Variants in MYH14 observed in about 807,000 individuals in gnomAD.
MYH14 encodes the protein myosin heavy chain 14.
MYH14 carries 123 observed loss-of-function variants against 255.5 expected under a neutral mutation model. That is an observed-to-expected ratio of 0.48 (90% CI 0.42 to 0.56). The LOEUF is 0.56. Ranked by LOEUF, MYH14 falls within the 20% of genes least tolerant of loss-of-function variation. MYH14 has a pLI of 0.00. For synonymous variants in MYH14, 1,095 were observed against 1,161.2 expected (o/e 0.94, Z 1.16); for missense variants, 2,423 against 2,802.3 (o/e 0.86, Z 3.06).
chr19:50,226,781 G>T, intron 7 of MYH14, 122 bp from the exon 8 acceptor site: 2 of 865,218 alleles, frequency 2.3e-6, no homozygotes, highest in Non-Finnish European at 1.9e-6. Flanking sequence ...GGTAGAGGGA[G>T]CAAGGAAGTG....
At chr19:50,302,863 T>C (rs1438397330) in intron 40 of MYH14, among the ~76,000 whole-genome samples, 1 of 151,580 alleles carries the variant, frequency 6.6e-6, no homozygotes, top group Non-Finnish European at 1.5e-5. Context: ...GATCACGCCA[T>C]TGCACTCCAG....
chr19:50,210,562 A>G lies in MYH14; in HGVS notation c.197A>G (p.Glu66Gly). ...VWVPSELHGF[E>G]AAALRDEGEE... ...GTGCCTTCGGAGCTTCACGGGTTCG[A>G]GGCGGCGGCGCTGCGGGACGAAGGC... Residue 66 changes from glutamate to glycine, a missense_variant, in exon 2 of 43, where the codon GAG becomes GGG. Glu to Gly is a moderately conservative substitution (Grantham distance 98). This residue lies in a region of MYH14 where 238 missense variants were observed against 245.8 expected (regional missense o/e 0.97). Transcript: ENST00000642316. The G allele has an allele frequency of 6.3e-7, 1 of 1,581,804 alleles. No individual in the cohort carries two copies. Among genetic ancestry groups the G allele is most frequent in the South Asian group, 1.1e-5 (1 of 87,038 alleles).
At chr19:50,241,352 T>C (rs2087496190) in intron 10 of MYH14, among the ~76,000 whole-genome samples, 1 of 152,044 alleles carries the variant, frequency 6.6e-6, no homozygotes, top group South Asian at 2.1e-4. Flanking sequence ...GGAGAATCAC[T>C]TGAACCCAGG....
At chr19:50,234,160 A>C (rs1016007077) in intron 10 of MYH14, among the ~76,000 whole-genome samples, 4 of 151,962 alleles carry the variant, frequency 2.6e-5, no homozygotes, top group Admixed American at 6.6e-5. Flanking sequence ...AACTCGTTAC[A>C]TCCGTAATGA....
At chr19:50,259,885 AT>A (rs2034758876) in intron 19 of MYH14, among the ~76,000 whole-genome samples, 1 of 152,096 alleles carries the variant, frequency 6.6e-6, no homozygotes, top group Admixed American at 6.6e-5. Context: ...TCTCAAAAAA[AT>A]AAATAAGTAA....
intron 33 of MYH14, among the ~76,000 whole-genome samples, chr19:50,282,473 G>A (rs772578964): frequency 2.6e-5 from 4 of 152,178 alleles, no homozygotes; most frequent in Non-Finnish European, 4.4e-5. Context: ...AGGCCAAGGC[G>A]GGCGGATTGC....
At position 50,281,854 on chromosome 19, in the gene MYH14, C is replaced by T; in HGVS notation, c.4539+12C>T. ...GCAAGTTTGACCAGGTGGGGCACCT[C>T]AGTTCACCCAGCCGGGGAATCAGCA... On this transcript the variant is annotated intron_variant, in intron 33 of 42. Coordinates refer to ENST00000642316, the MANE Select transcript of MYH14 (RefSeq NM_001145809.2). 6.2e-7 allele frequency: 1 copy of T among 1,605,054 alleles called. No homozygotes were observed.
chr19:50,284,393 G>C (rs991846731), intron 33 of MYH14, among the ~76,000 whole-genome samples: 1 of 152,024 alleles, frequency 6.6e-6, no homozygotes, highest in Non-Finnish European at 1.5e-5. Flanking sequence ...TTGAGACGGA[G>C]TCTTGCACTG....
Position 50,309,654 on chromosome 19 carries a change from C to T in MYH14, c.5975C>T (p.Thr1992Ile), listed in dbSNP as rs1555779737. The change falls in exon 43 of 43, where the codon ACC becomes ATC. Residue 1992 changes from threonine (T) to isoleucine (I), a missense_variant. Around this residue, in one of 3 missense-constraint regions of MYH14, gnomAD observed 1,513 missense variants for 1,674.8 expected, o/e 0.90. Coordinates refer to ENST00000642316, the MANE Select transcript of MYH14 (RefSeq NM_001145809.2). ...CCTCCCCACAGACGCGGCCCCCTCA[C>T]CTTCACCACCCGCACGGTGCGCCAG... ...LRNRLRRGPL[T>I]FTTRTVRQVF... The T allele has an allele frequency of 6.2e-7, 1 of 1,610,912 alleles. No individual in the cohort carries two copies. Among genetic ancestry groups the T allele is most frequent in the South Asian group, 1.1e-5 (1 of 90,274 alleles).
intron 10 of MYH14, among the ~76,000 whole-genome samples, chr19:50,236,194 G>T (rs1223627159): frequency 6.6e-6 from 1 of 151,994 alleles, no homozygotes; most frequent in Non-Finnish European, 1.5e-5. Context: ...TTACCTGGGC[G>T]TGGTGGTGTG....
intron 1 of MYH14, among the ~76,000 whole-genome samples, chr19:50,207,982 T>C (rs985937552): frequency 1.6e-4 from 25 of 152,210 alleles, no homozygotes; most frequent in African/African-American, 5.8e-4. Flanking sequence ...TCCTCGCTCC[T>C]GTCATCTCCC....
chr19:50,255,451 C>T, intron 17 of MYH14, 133 bp downstream of exon 17: 1 of 692,276 alleles, frequency 1.4e-6, no homozygotes, highest in Non-Finnish European at 2.5e-6. Flanking sequence ...CCTTTCCCTC[C>T]TTGTTGGCTC....
chr19:50,214,354 G>T (rs1007716385), intron 2 of MYH14, among the ~76,000 whole-genome samples: 1 of 152,152 alleles, frequency 6.6e-6, no homozygotes, highest in African/African-American at 2.4e-5. Flanking sequence ...TGATGATGGG[G>T]ATGGTGGTGT....
chr19:50,247,247 G>A (rs2034167291), intron 12 of MYH14, 125 bp downstream of exon 12: 2 of 665,228 alleles, frequency 3.0e-6, no homozygotes, highest in South Asian at 1.8e-5. Context: ...CTCCGTTACC[G>A]ATCCTGGTCT....
rs759479678 is a variant in MYH14, at chr19:50,309,610, T to C, written c.5961-30T>C. 3.6e-6 allele frequency: 4 copies of C among 1,106,244 alleles called. No homozygotes were observed. The South Asian group carries it at 5.1e-5, about 14-fold the overall frequency. The allele number at this position is 1,106,244 out of a possible 1,614,324, so 68.5% of individuals were successfully genotyped here. ...CCTCCCCTCCCCTCCCCTCATTTCATCTCTGTATCCTGGTCTCTCCTCCCC... is the reference window on the plus strand; with the variant it reads ...CCTCCCCTCCCCTCCCCTCATTTCACCTCTGTATCCTGGTCTCTCCTCCCC... On this transcript the variant is annotated intron_variant, in intron 42 of 42. Coordinates refer to ENST00000642316, the MANE Select transcript of MYH14 (RefSeq NM_001145809.2).
intron 2 of MYH14, among the ~76,000 whole-genome samples, chr19:50,213,465 C>T (rs1054411541): frequency 1.3e-5 from 2 of 152,114 alleles, no homozygotes; most frequent in African/African-American, 4.8e-5. Context: ...GAAGATTATT[C>T]AGAAAGTTCA....
At chr19:50,224,004 C>T (rs1360161823) in intron 5 of MYH14, 150 bp from the exon 6 acceptor site, 1 of 726,562 alleles carries the variant, frequency 1.4e-6, no homozygotes, top group Non-Finnish European at 2.5e-6. Context: ...TGTGGTCCTC[C>T]AGGCCACCCT....
chr19:50,255,212 C>T lies in MYH14; in HGVS notation c.1946-8C>T, dbSNP rs2034547739. 2 of 1,544,808 alleles carry T rather than the reference C, an allele frequency of 1.3e-6. No individual in the cohort carries two copies. The highest frequency in any genetic ancestry group is 2.4e-5 in the East Asian group (1 of 40,882). ...CCACCCACCCACACATCTGTCCTCA[C>T]TCCCCAGAACATGGGGGCTTCCAGC... On this transcript the variant is annotated splice_region_variant and splice_polypyrimidine_tract_variant and intron_variant, in intron 16 of 42. Transcript: ENST00000642316.
chr19:50,215,560 C>T (rs555436279), intron 2 of MYH14, among the ~76,000 whole-genome samples: 1 of 152,330 alleles, frequency 6.6e-6, no homozygotes, highest in East Asian at 1.9e-4. Context: ...TGGCTCATGC[C>T]TGTAATCCCA....
Sources: gnomAD v4.1 joint callset for allele counts (sites outside exome capture counted in the v4.1 genomes callset) on GRCh38, gnomAD v4.1.1 for gene constraint, gnomAD v4.1.1 regional missense constraint, MANE v1.5 for transcripts, NCBI Gene and HGNC (gene_info 2026-07-23, HGNC 2026-07-21) for gene names.